The following FH variants were observed in gnomAD, a reference collection of about 807,000 sequenced individuals.
The protein encoded by FH is fumarate hydratase.
In FH, 22 loss-of-function variants were observed where a neutral mutation model predicts 49.4. The ratio of observed to expected loss-of-function variants is 0.45; its 90% CI spans 0.32 to 0.64. FH has a LOEUF of 0.64. FH is among the 30% of genes least tolerant of loss of function. FH has a pLI of 0.05. For synonymous variants in FH, 208 were observed against 223.0 expected (o/e 0.93, Z 0.60); for missense variants, 526 against 641.5 (o/e 0.82, Z 1.95).
At chr1:241,507,487 A>G (rs1011504428) in intron 5 of FH, among the ~76,000 whole-genome samples, 5 of 152,304 alleles carry the variant, frequency 3.3e-5, no homozygotes, top group African/African-American at 4.8e-5. Flanking sequence ...GACAGGGAAC[A>G]ATGCACGAAC....
At chr1:241,519,324 A>C in intron 1 of FH, 1 of 416,436 alleles carries the variant, frequency 2.4e-6, no homozygotes, top group Non-Finnish European at 4.2e-6. Context: ...GGCTCCGAGG[A>C]GGCGCCGGGA....
chr1:241,514,998 G>A (rs960605748), intron 2 of FH, among the ~76,000 whole-genome samples: 1 of 152,058 alleles, frequency 6.6e-6, no homozygotes, highest in African/African-American at 2.4e-5. Flanking sequence ...AATAAAAAAG[G>A]GTCATTCACA....
chr1:241,503,507 G>A lies in FH; in HGVS notation c.1108+535C>T, dbSNP rs576187151. 3.3e-4 allele frequency among the ~76,000 whole-genome samples: 50 copies of A among 152,236 alleles called. 1 individual carries two copies. The highest frequency in any genetic ancestry group is 1.1e-3 in the African/African-American group (47 of 41,560). ...CTCAGTCACCAGTAAAGTGTTGAAG[G>A]GCAGAGCCCTTCAGCTTGTTACCAA... On this transcript the variant is annotated intron_variant, in intron 7 of 9. Transcript: ENST00000366560.
intron 9 of FH, among the ~76,000 whole-genome samples, 182 bp downstream of exon 9, chr1:241,500,255 A>C: frequency 6.6e-6 from 1 of 152,210 alleles, no homozygotes. Flanking sequence ...TTTTGAAAGA[A>C]CTATGACACC....
intron 9 of FH, among the ~76,000 whole-genome samples, chr1:241,498,847 T>A (rs1175143551): frequency 6.7e-6 from 1 of 149,310 alleles, no homozygotes. Flanking sequence ...GCAGTATACA[T>A]CATCAATAAG....
At chr1:241,518,826 AC>A (rs1660288647) in intron 1 of FH, among the ~76,000 whole-genome samples, 1 of 152,238 alleles carries the variant, frequency 6.6e-6, no homozygotes, top group Non-Finnish European at 1.5e-5. Context: ...AAAATGACTT[AC>A]GTAAGCATGT....
At position 241,513,611 on chromosome 1, in the gene FH, C is replaced by T. The variant is rs1660143983; in HGVS notation, c.370G>A (p.Ala124Thr). Residue 124 changes from alanine to threonine, a missense_variant, in exon 3 of 10, where the codon GCA (alanine) becomes ACA (threonine). Ala to Thr is a moderately conservative substitution (Grantham distance 58). This residue lies in a region of FH where 383 missense variants were observed against 514.0 expected (regional missense o/e 0.75). Transcript: ENST00000366560. ...PKIANAIMKA[A>T]DEVAEGKLND... ...CACTTATCACCTCCTACCTCATCTGCTGCCTTCATTATTGCATTAGCAATC... is the reference window on the plus strand; with the variant it reads ...CACTTATCACCTCCTACCTCATCTGTTGCCTTCATTATTGCATTAGCAATC... The T allele has an allele frequency of 6.2e-7, 1 of 1,612,920 alleles. No homozygotes were observed. The highest frequency in any genetic ancestry group is 8.5e-7 in the Non-Finnish European group (1 of 1,178,910).
chr1:241,514,115 T>C (rs1660160882), intron 2 of FH, among the ~76,000 whole-genome samples: 1 of 152,174 alleles, frequency 6.6e-6, no homozygotes, highest in Non-Finnish European at 1.5e-5. Flanking sequence ...ACCATTATTT[T>C]CTCTTACTGG....
intron 4 of FH, among the ~76,000 whole-genome samples, chr1:241,509,591 C>A (rs186301851): frequency 6.6e-6 from 1 of 152,268 alleles, no homozygotes; most frequent in East Asian, 1.9e-4. Flanking sequence ...CTGGGCAACA[C>A]AGAGCAATAC....
chr1:241,513,347 T>G (rs1660137568), intron 3 of FH, among the ~76,000 whole-genome samples: 1 of 152,094 alleles, frequency 6.6e-6, no homozygotes, highest in East Asian at 1.9e-4. Context: ...TTCAAAAAAT[T>G]TTCTTAAAAC....
rs968511538 is a variant in FH at position 241,508,878 on chromosome 1, C to T, written c.556-93G>A. On this transcript the variant is annotated intron_variant, in intron 4 of 9. Transcript: ENST00000366560. The stretch of plus-strand genomic sequence containing the variant: ...TAAACTTCTCAATTAAAAAACTCTC[C>T]AACTAACTACTCAAAACCCAGCTCA... 24 of 1,082,396 alleles carry T rather than the reference C, an allele frequency of 2.2e-5. No homozygotes were observed. In the African/African-American group the frequency reaches 3.6e-4, roughly 16 times the overall value. 67.0% of individuals were successfully genotyped at this position (1,082,396 alleles called of 1,614,324 possible). A position where few individuals can be genotyped will look rare whatever the true frequency, so the allele number is the denominator to read the frequency against.
At chr1:241,519,367 C>T in intron 1 of FH, 1 of 539,664 alleles carries the variant, frequency 1.9e-6, no homozygotes. Flanking sequence ...TGACAGCCCC[C>T]GTCCCTCCCC....
intron 7 of FH, among the ~76,000 whole-genome samples, chr1:241,503,196 C>T (rs539402888): frequency 6.6e-6 from 1 of 152,324 alleles, no homozygotes; most frequent in Non-Finnish European, 1.5e-5. Context: ...GTGACTCCCC[C>T]AGTTCTCTTT....
chr1:241,504,126 T>C lies in FH; in HGVS notation c.1024A>G (p.Ile342Val). 1 of 1,614,212 alleles carries C rather than the reference T, an allele frequency of 6.2e-7. No individual in the cohort carries two copies. The highest frequency in any genetic ancestry group is 8.5e-7 in the Non-Finnish European group (1 of 1,180,032). Residue 342 changes from isoleucine to valine, a missense_variant, in exon 7 of 10, where the codon ATT becomes GTT. Ile to Val is a conservative substitution (Grantham distance 29). This residue lies in a region of FH where 383 missense variants were observed against 514.0 expected (regional missense o/e 0.75). Coordinates refer to ENST00000366560, the MANE Select transcript of FH (RefSeq NM_000143.4). ...ACSLMKIAND[I>V]RFLGSGPRSG... is the part of the protein sequence containing the mutation. ...CGAGGACCAGAACCCAAAAATCGAA[T>C]ATCATTTGCTATCTTCATCAGACTG...
chr1:241,499,903 T>C (rs987874472), intron 9 of FH, among the ~76,000 whole-genome samples: 1 of 152,328 alleles, frequency 6.6e-6, no homozygotes, highest in Admixed American at 6.5e-5. Context: ...TATAATACAA[T>C]AGCATGGTTT....
chr1:241,511,789 A>AT (rs1660090243), intron 4 of FH, 178 bp downstream of exon 4: 1 of 604,160 alleles, frequency 1.7e-6, no homozygotes, highest in Non-Finnish European at 2.9e-6. Context: ...CCTAAAAATA[A>AT]TTTTTATAAG....
At chr1:241,505,499 T>C (rs938793061) in intron 6 of FH, among the ~76,000 whole-genome samples, 3 of 152,028 alleles carry the variant, frequency 2.0e-5, no homozygotes, top group Admixed American at 1.3e-4. Flanking sequence ...TTAATGAGAG[T>C]TTTCTGAAGA....
intron 5 of FH, among the ~76,000 whole-genome samples, chr1:241,506,639 T>A (rs1272302549): frequency 6.6e-6 from 1 of 152,178 alleles, no homozygotes; most frequent in Non-Finnish European, 1.5e-5. Context: ...TGTATAAACC[T>A]ACCAGGAAAT....
intron 9 of FH, 44 bp downstream of exon 9, chr1:241,500,393 T>A (rs1558396262): frequency 1.3e-6 from 2 of 1,598,208 alleles, no homozygotes; most frequent in Non-Finnish European, 1.7e-6. Flanking sequence ...TTTAGCTTTT[T>A]AATTTTGCAT....
Sources: allele counts gnomAD v4.1 joint callset (sites outside exome capture counted in the v4.1 genomes callset), GRCh38; gene constraint gnomAD v4.1.1; regional missense constraint gnomAD v4.1.1; transcripts MANE v1.5; gene names NCBI Gene and HGNC (gene_info 2026-07-23, HGNC 2026-07-21).